Variants in PACS1 observed in about 807,000 individuals in gnomAD.
PACS1 encodes phosphofurin acidic cluster sorting protein 1, also known as PACS-1.
A neutral mutation model predicts 115.0 loss-of-function variants in PACS1; 24 were observed. The observed-to-expected ratio is 0.21, with a 90% CI of 0.15 to 0.29. PACS1 has a LOEUF of 0.29. Ranked by LOEUF, PACS1 falls within the 10% of genes least tolerant of loss-of-function variation. The pLI is 1.00. For missense variants in PACS1, 838 were observed against 1,251.2 expected (o/e 0.67, Z 4.98); for synonymous variants, 453 against 504.5 (o/e 0.90, Z 1.37).
chr11:66,216,374 G>A, intron 5 of PACS1, 111 bp downstream of exon 5: 4 of 1,469,416 alleles, frequency 2.7e-6, no homozygotes, highest in Non-Finnish European at 3.8e-6. Context: ...AGAGACCCCT[G>A]AAAGTAAAAT....
chr11:66,202,222 A>G (rs1342275251), intron 2 of PACS1, among the ~76,000 whole-genome samples: 1 of 152,192 alleles, frequency 6.6e-6, no homozygotes, highest in Non-Finnish European at 1.5e-5. Context: ...ATAACAAAAA[A>G]TGAGCTAGAT....
At chr11:66,237,629 A>T (rs1368753899) in intron 19 of PACS1, among the ~76,000 whole-genome samples, 1 of 152,132 alleles carries the variant, frequency 6.6e-6, no homozygotes, top group African/African-American at 2.4e-5. Context: ...AGGCCCCAAG[A>T]CCATGGCCCA....
chr11:66,129,360 AG>A (rs1858651044), intron 1 of PACS1, among the ~76,000 whole-genome samples: 1 of 151,730 alleles, frequency 6.6e-6, no homozygotes, highest in Non-Finnish European at 1.5e-5. Flanking sequence ...TGTACCTGGA[AG>A]GTGGAGGTGG....
At chr11:66,189,512 G>T (rs1468721604) in intron 1 of PACS1, among the ~76,000 whole-genome samples, 1 of 152,230 alleles carries the variant, frequency 6.6e-6, no homozygotes, top group Non-Finnish European at 1.5e-5. Flanking sequence ...GGGCATAATA[G>T]AGCAGCAGCA....
Position 66,230,478 on chromosome 11 carries a change from A to G in PACS1, c.1375-70A>G, listed in dbSNP as rs542532172. 1.7e-4 allele frequency: 173 copies of G among 1,021,312 alleles called. 1 individual carries two copies. The highest frequency in any genetic ancestry group is 4.5e-4 in the Admixed American group (26 of 57,258). The allele number at this position is 1,021,312 out of a possible 1,614,324, so 63.3% of individuals were successfully genotyped here. On this transcript the variant is annotated intron_variant, in intron 11 of 23. Transcript: ENST00000320580. ...TTCAGGATGGTGATGGGGCCTGGCC[A>G]GTCCAAGGAGGCTCCTGGGTGGTCA...
At chr11:66,090,259 C>CTTCTTTCCTT (rs1857637320) in intron 1 of PACS1, among the ~76,000 whole-genome samples, 2 of 142,240 alleles carry the variant, frequency 1.4e-5, no homozygotes, top group Non-Finnish European at 3.0e-5. Flanking sequence ...CTTCTTTTCT[C>CTTCTTTCCTT]TTCTTTCCTT....
intron 1 of PACS1, among the ~76,000 whole-genome samples, chr11:66,157,576 C>T (rs2134619766): frequency 6.6e-6 from 1 of 152,232 alleles, no homozygotes; most frequent in Non-Finnish European, 1.5e-5. Flanking sequence ...AAAGTCTAAC[C>T]TGGGGAAACC....
intron 1 of PACS1, among the ~76,000 whole-genome samples, chr11:66,122,982 T>G (rs919202638): frequency 6.6e-6 from 1 of 152,212 alleles, no homozygotes; most frequent in Admixed American, 6.5e-5. Context: ...GGTAGCATGC[T>G]ATCAAATGTA....
chr11:66,111,701 G>A (rs1296750318), intron 1 of PACS1, among the ~76,000 whole-genome samples: 2 of 152,138 alleles, frequency 1.3e-5, no homozygotes, highest in African/African-American at 2.4e-5. Context: ...TCAGGCTGGA[G>A]TGCAGTAGCG....
intron 10 of PACS1, among the ~76,000 whole-genome samples, chr11:66,224,719 G>T (rs574008614): frequency 6.6e-6 from 1 of 152,214 alleles, no homozygotes; most frequent in Non-Finnish European, 1.5e-5. Flanking sequence ...GAATCCTTTG[G>T]TATGAAAGGC....
chr11:66,095,761 T>A (rs1461699464), intron 1 of PACS1, among the ~76,000 whole-genome samples: 1 of 152,098 alleles, frequency 6.6e-6, no homozygotes, highest in Non-Finnish European at 1.5e-5. Flanking sequence ...CCCGGCCTCA[T>A]TATTGCTTTT....
chr11:66,151,961 A>T (rs1249942443), intron 1 of PACS1, among the ~76,000 whole-genome samples: 2 of 152,226 alleles, frequency 1.3e-5, no homozygotes, highest in African/African-American at 4.8e-5. Flanking sequence ...GGCCGGGTGC[A>T]GTGGCTTACA....
intron 8 of PACS1, chr11:66,220,190 A>C: frequency 3.1e-6 from 1 of 325,830 alleles, no homozygotes; most frequent in Non-Finnish European, 5.8e-6. Flanking sequence ...CAGCCCTGGA[A>C]TAACCAGGAA....
chr11:66,172,357 C>A (rs931010483), intron 1 of PACS1, among the ~76,000 whole-genome samples: 18 of 152,288 alleles, frequency 1.2e-4, no homozygotes, highest in East Asian at 1.2e-3. Context: ...AGTGATGGAG[C>A]GTGACTTCTG....
intron 1 of PACS1, among the ~76,000 whole-genome samples, chr11:66,078,877 A>G (rs1857435833): frequency 2.0e-5 from 3 of 152,180 alleles, no homozygotes; most frequent in Admixed American, 6.5e-5. Context: ...GTGCTGAGAT[A>G]TAGGAAGGCG....
rs1341258627 is a variant in PACS1, at chr11:66,235,752, C to G, written c.2208-146C>G. 2.6e-6 allele frequency: 2 copies of G among 773,870 alleles called. No homozygotes were observed. Among genetic ancestry groups the G allele is most frequent in the Non-Finnish European group, 4.7e-6 (2 of 426,634 alleles). The allele number at this position is 773,870 out of a possible 1,614,324, so 47.9% of individuals were successfully genotyped here. On this transcript the variant is annotated intron_variant, in intron 18 of 23. Coordinates refer to ENST00000320580, the MANE Select transcript of PACS1 (RefSeq NM_018026.4). This position sits in a 1 kb window ranked among gnomAD's most constrained non-coding sequence, Gnocchi z 5.6. Reference sequence around the variant, plus strand: ...CATGCACAGCAAGTCCCAGACCTTCCCCATGCCACCCCAGGATGTGATGGG... The same window carrying G: ...CATGCACAGCAAGTCCCAGACCTTCGCCATGCCACCCCAGGATGTGATGGG...
intron 1 of PACS1, among the ~76,000 whole-genome samples, chr11:66,169,746 A>G (rs1232754558): frequency 6.7e-6 from 1 of 149,914 alleles, no homozygotes; most frequent in Non-Finnish European, 1.5e-5. Context: ...TTTTGCTAAT[A>G]TTTTGTTTTA....
chr11:66,128,459 G>T (rs910116381), intron 1 of PACS1, among the ~76,000 whole-genome samples: 3 of 152,184 alleles, frequency 2.0e-5, no homozygotes, highest in African/African-American at 7.2e-5. Flanking sequence ...GGGAGTAGGT[G>T]GGAGAATCAC....
intron 1 of PACS1, among the ~76,000 whole-genome samples, chr11:66,178,108 G>A (rs1859915444): frequency 6.6e-6 from 1 of 152,136 alleles, no homozygotes; most frequent in South Asian, 2.1e-4. Flanking sequence ...GGAATATTTA[G>A]TATATATATC....
Sources: gnomAD v4.1 joint callset for allele counts (sites outside exome capture counted in the v4.1 genomes callset) on GRCh38, gnomAD v4.1.1 for gene constraint, Gnocchi (gnomAD v3.1) non-coding constraint, MANE v1.5 for transcripts, NCBI Gene and HGNC (gene_info 2026-07-23, HGNC 2026-07-21) for gene names.